FREM1: variants seen among roughly 807,000 people sequenced by gnomAD.
The protein encoded by FREM1 is FRAS1-related extracellular matrix protein 1.
In FREM1, 220 loss-of-function variants were observed where a neutral mutation model predicts 210.1. The observed-to-expected ratio is 1.05, with a 90% confidence interval of 0.94 to 1.17. The LOEUF is 1.17. Ranked by LOEUF, FREM1 falls within the 50% of genes most tolerant of loss-of-function variation. The pLI is 0.00. For missense variants in FREM1, 3,454 were observed against 2,675.5 expected, an observed-to-expected ratio of 1.29 and a Z score of -6.42; for synonymous variants, 1,189 against 980.2, an observed-to-expected ratio of 1.21 and a Z score of -3.98.
chr9:14,894,920 T>C (rs1333638275), intron 1 of FREM1, among the ~76,000 whole-genome samples: 1 of 152,254 alleles, frequency 6.6e-6, no homozygotes, highest in Non-Finnish European at 1.5e-5. Context: ...CGCTTTCCTT[T>C]AAGGAATTAA....
chr9:14,744,209 G>T (rs892263571), intron 35 of FREM1, among the ~76,000 whole-genome samples: 2 of 151,934 alleles, frequency 1.3e-5, no homozygotes, highest in African/African-American at 4.8e-5. Flanking sequence ...ACTAGTTTTT[G>T]AACACACTTT....
intron 13 of FREM1, among the ~76,000 whole-genome samples, chr9:14,822,128 T>C (rs1409257251): frequency 2.6e-5 from 4 of 152,208 alleles, no homozygotes; most frequent in African/African-American, 7.2e-5. Context: ...ATGTAAGACG[T>C]GACTTTGCTC....
At chr9:14,858,176 T>G (rs1829139131) in intron 4 of FREM1, among the ~76,000 whole-genome samples, 1 of 152,272 alleles carries the variant, frequency 6.6e-6, no homozygotes, top group East Asian at 1.9e-4. Flanking sequence ...TATCACGCAC[T>G]CAAATCCTGC....
intron 21 of FREM1, among the ~76,000 whole-genome samples, chr9:14,795,870 T>C (rs974993481): frequency 6.6e-6 from 1 of 152,186 alleles, no homozygotes; most frequent in Admixed American, 6.5e-5. Flanking sequence ...CCCTCTCCAG[T>C]GGATGCCCCG....
chr9:14,901,057 G>A (rs540945716), intron 1 of FREM1, among the ~76,000 whole-genome samples: 28 of 152,204 alleles, frequency 1.8e-4, no homozygotes, highest in Non-Finnish European at 3.2e-4. Flanking sequence ...TCCTTGCTGC[G>A]ACTCTTTAAA....
In FREM1 at chr9:14,760,905, A is replaced by AG. The variant is rs574006673; in HGVS notation, c.5205-1005dup. On this transcript the variant is annotated intron_variant, in intron 27 of 36. Coordinates refer to ENST00000380880, the MANE Select transcript of FREM1 (RefSeq NM_001379081.2). ...ACTATAGAGCAGGATAAAAGACACA[A>AG]GCAACCTTCACTACGATTGTTAACT... Among the ~76,000 whole-genome samples, 156 of 45,672 alleles carry AG rather than the reference A, an allele frequency of 3.4e-3. No homozygotes were observed. In the South Asian group the frequency reaches 0.13, roughly 39 times the overall value. The allele number at this position is 45,672 out of a possible 152,430, so 30.0% of individuals were successfully genotyped here.
intron 20 of FREM1, 86 bp from the exon 21 acceptor site, chr9:14,797,728 G>T (rs1021084863): frequency 1.7e-6 from 2 of 1,157,776 alleles, no homozygotes; most frequent in Non-Finnish European, 2.5e-6. Flanking sequence ...AATTTTCAAG[G>T]CAGGGGTATT....
At chr9:14,818,836 A>G (rs1385955096) in intron 14 of FREM1, among the ~76,000 whole-genome samples, 1 of 152,172 alleles carries the variant, frequency 6.6e-6, no homozygotes, top group East Asian at 1.9e-4. Flanking sequence ...GTTCTATCCC[A>G]GAGTTTCTGG....
At chr9:14,851,191 A>G (rs932686417) in intron 6 of FREM1, 93 bp downstream of exon 6, 3 of 878,390 alleles carry the variant, frequency 3.4e-6, no homozygotes, top group Non-Finnish European at 5.2e-6. Context: ...TGAGGCAATG[A>G]ATGTACAAAG....
At chr9:14,903,437 T>C (rs567386751) in intron 1 of FREM1, among the ~76,000 whole-genome samples, 1 of 152,272 alleles carries the variant, frequency 6.6e-6, no homozygotes, top group East Asian at 1.9e-4. Flanking sequence ...TAAATGACAA[T>C]GGATTCATGT....
At chr9:14,883,016 T>C (rs1032410629) in intron 1 of FREM1, among the ~76,000 whole-genome samples, 2 of 149,546 alleles carry the variant, frequency 1.3e-5, no homozygotes, top group Admixed American at 1.3e-4. Context: ...CCCATACAAA[T>C]GTTAACATTA....
intron 5 of FREM1, among the ~76,000 whole-genome samples, chr9:14,852,453 C>A (rs763590314): frequency 6.6e-6 from 1 of 152,002 alleles, no homozygotes; most frequent in South Asian, 2.1e-4. Flanking sequence ...TCTGGGAGGC[C>A]GAGGTGGGAG....
chr9:14,764,511 CT>C (rs1846052099), intron 27 of FREM1, among the ~76,000 whole-genome samples: 1 of 152,180 alleles, frequency 6.6e-6, no homozygotes, highest in East Asian at 1.9e-4. Context: ...AATGAGCATT[CT>C]AACATAATTC....
chr9:14,852,568 C>A (rs1391560613), intron 5 of FREM1, among the ~76,000 whole-genome samples: 1 of 152,108 alleles, frequency 6.6e-6, no homozygotes, highest in Non-Finnish European at 1.5e-5. Context: ...TGGTGGTGCA[C>A]ACCTATAGCC....
chr9:14,793,210 A>T (rs1341732518), intron 21 of FREM1, among the ~76,000 whole-genome samples: 1 of 152,326 alleles, frequency 6.6e-6, no homozygotes, highest in East Asian at 1.9e-4. Context: ...TTCATTTTAC[A>T]CTCACAACAA....
intron 2 of FREM1, among the ~76,000 whole-genome samples, chr9:14,864,773 T>C (rs1831211885): frequency 6.6e-6 from 1 of 152,186 alleles, no homozygotes; most frequent in African/African-American, 2.4e-5. Flanking sequence ...GTCTGTACCT[T>C]TTCACAGCCT....
chr9:14,768,988 G>T (rs1361535128), intron 27 of FREM1, among the ~76,000 whole-genome samples: 2 of 152,110 alleles, frequency 1.3e-5, no homozygotes, highest in Admixed American at 1.3e-4. Flanking sequence ...AAACAGCACA[G>T]TACCAGAATA....
At chr9:14,902,612 G>A (rs573916168) in intron 1 of FREM1, among the ~76,000 whole-genome samples, 54 of 152,262 alleles carry the variant, frequency 3.5e-4, no homozygotes, top group African/African-American at 1.3e-3. Flanking sequence ...GGTACACCCA[G>A]TGCACTGCCA....
intron 21 of FREM1, among the ~76,000 whole-genome samples, chr9:14,795,316 C>A (rs1280959869): frequency 6.6e-6 from 1 of 152,158 alleles, no homozygotes; most frequent in African/African-American, 2.4e-5. Flanking sequence ...AGAAGTTAAA[C>A]AACATGTTCA....
Sources: allele counts gnomAD v4.1 joint callset (sites outside exome capture counted in the v4.1 genomes callset), GRCh38; gene constraint gnomAD v4.1.1; transcripts MANE v1.5; gene names NCBI Gene and HGNC (gene_info 2026-07-23, HGNC 2026-07-21).